KCNJ3: variants seen among roughly 807,000 people sequenced by gnomAD.
KCNJ3 encodes the protein potassium inwardly rectifying channel subfamily J member 3.
A neutral mutation model predicts 39.2 loss-of-function variants in KCNJ3; 4 were observed. The observed-to-expected ratio is 0.10, with a 90% CI of 0.05 to 0.23. The LOEUF is 0.23. KCNJ3 is among the 10% of genes least tolerant of loss of function. The pLI, the probability that KCNJ3 is intolerant of heterozygous loss-of-function variation, is 1.00. For missense variants in KCNJ3, 276 were observed against 634.9 expected (o/e 0.43, Z 6.08); for synonymous variants, 230 against 237.4 (o/e 0.97, Z 0.29).
At chr2:154,742,055 G>C (rs1027315552) in intron 2 of KCNJ3, among the ~76,000 whole-genome samples, 1 of 151,694 alleles carries the variant, frequency 6.6e-6, no homozygotes, top group African/African-American at 2.4e-5. Flanking sequence ...GACATGCTCA[G>C]TCCCTGGAAA....
intron 2 of KCNJ3, among the ~76,000 whole-genome samples, chr2:154,778,155 G>A (rs540393279): frequency 1.3e-5 from 2 of 152,122 alleles, no homozygotes; most frequent in African/African-American, 4.8e-5. Flanking sequence ...TACACAATTT[G>A]ATCATTTAAA....
At chr2:154,710,529 T>C (rs1242551310) in intron 2 of KCNJ3, among the ~76,000 whole-genome samples, 1 of 152,162 alleles carries the variant, frequency 6.6e-6, no homozygotes, top group African/African-American at 2.4e-5. Context: ...GTTATGAGCA[T>C]ATTATTTGGG....
In KCNJ3 at chr2:154,699,372, C is replaced by G. The variant is rs776734520; in HGVS notation, c.597C>G (p.His199Gln). Residue 199 changes from histidine (H) to glutamine (Q), a missense_variant, in exon 1 of 3, where the codon CAC (histidine) becomes CAG (glutamine). Transcript: ENST00000295101. This position sits in a 1 kb window ranked among gnomAD's most constrained non-coding sequence, Gnocchi z 6.4. Reference sequence around the variant, plus strand: ...CCGAGACCCTCATGTTCAGCGAGCACGCGGTGATCTCCATGAGGGACGGAA... The same window carrying G: ...CCGAGACCCTCATGTTCAGCGAGCAGGCGGTGATCTCCATGAGGGACGGAA... ...KRAETLMFSE[H>Q]AVISMRDGKL... 3 of 1,611,724 alleles carry G rather than the reference C, an allele frequency of 1.9e-6. No homozygotes were observed. The highest frequency in any genetic ancestry group is 1.7e-5 in the Admixed American group (1 of 60,000).
chr2:154,799,609 T>C lies in KCNJ3; in HGVS notation c.920-55118T>C, dbSNP rs373547458. On this transcript the variant is annotated intron_variant, in intron 2 of 2. Transcript: ENST00000295101. ...TTGGACAGCCCAAAGCCTCAATCTA[T>C]AGCCACTATCTCCAGACTTAGCATA... Among the ~76,000 whole-genome samples the C allele has an allele frequency of 9.2e-4, 140 of 152,246 alleles. 5 individuals are homozygous for C. The South Asian group carries it at 0.029, about 31-fold the overall frequency.
intron 2 of KCNJ3, among the ~76,000 whole-genome samples, chr2:154,744,051 T>C (rs981035610): frequency 8.6e-5 from 13 of 151,704 alleles, no homozygotes; most frequent in Non-Finnish European, 8.9e-5. Flanking sequence ...GAATGGATAT[T>C]GAATTCTGTT....
At chr2:154,817,027 T>A (rs1411135132) in intron 2 of KCNJ3, among the ~76,000 whole-genome samples, 1 of 152,184 alleles carries the variant, frequency 6.6e-6, no homozygotes, top group African/African-American at 2.4e-5. Context: ...TTATATCATA[T>A]CTATGGCAGT....
intron 2 of KCNJ3, among the ~76,000 whole-genome samples, chr2:154,835,556 C>A (rs1404069901): frequency 2.0e-5 from 3 of 149,594 alleles, no homozygotes; most frequent in African/African-American, 7.4e-5. Context: ...ATAATTTATA[C>A]CTGTGGATAA....
At chr2:154,758,039 AT>A (rs138729806) in intron 2 of KCNJ3, among the ~76,000 whole-genome samples, 15,342 of 152,192 alleles carry the variant, frequency 0.1, 801 homozygotes, top group East Asian at 0.19. Flanking sequence ...AGTACTCAGC[AT>A]TTCAAATTTA....
chr2:154,722,937 A>G (rs960921481), intron 2 of KCNJ3, among the ~76,000 whole-genome samples: 1 of 152,046 alleles, frequency 6.6e-6, no homozygotes, highest in African/African-American at 2.4e-5. Flanking sequence ...TTGAAGATGG[A>G]GGGGAAGATA....
At chr2:154,788,593 A>G (rs1686575064) in intron 2 of KCNJ3, among the ~76,000 whole-genome samples, 1 of 152,118 alleles carries the variant, frequency 6.6e-6, no homozygotes, top group South Asian at 2.1e-4. Context: ...TTTTTAAAAT[A>G]AATATTGATG....
At chr2:154,844,762 G>GGAGA (rs1364244860) in intron 2 of KCNJ3, among the ~76,000 whole-genome samples, 9 of 152,218 alleles carry the variant, frequency 5.9e-5, no homozygotes, top group African/African-American at 1.9e-4. Context: ...GGCAGGCATG[G>GGAGA]GAGAGAATTA....
In KCNJ3 at chr2:154,791,300, A is replaced by G. The variant is rs1448639916; in HGVS notation, c.920-63427A>G. On this transcript the variant is annotated intron_variant, in intron 2 of 2. Transcript: ENST00000295101. Reference sequence around the variant, plus strand: ...AGGAAAGAGGAAGATGGGGCGCCAAAGCTGATGTTGGAGGTGTTAAAACTA... The same window carrying G: ...AGGAAAGAGGAAGATGGGGCGCCAAGGCTGATGTTGGAGGTGTTAAAACTA... 3.3e-5 allele frequency among the ~76,000 whole-genome samples: 5 copies of G among 152,184 alleles called. No homozygotes were observed. In the South Asian group the frequency reaches 8.3e-4, roughly 25 times the overall value.
At chr2:154,714,315 A>G (rs1205481002) in intron 2 of KCNJ3, among the ~76,000 whole-genome samples, 1 of 151,950 alleles carries the variant, frequency 6.6e-6, no homozygotes, top group African/African-American at 2.4e-5. Flanking sequence ...TCTGAAATTC[A>G]GACACATTAC....
rs535829997 is a variant in KCNJ3 at position 154,701,408 on chromosome 2, T to C, written c.702+1931T>C. On this transcript the variant is annotated intron_variant, in intron 1 of 2. Transcript: ENST00000295101. ...TTTTCCAGACAACATATTTTTGATG[T>C]TTATAGATTTTATTACATTTTATTT... 7.1e-4 allele frequency among the ~76,000 whole-genome samples: 108 copies of C among 152,220 alleles called. 2 individuals are homozygous for C. The South Asian group carries it at 0.021, about 30-fold the overall frequency.
intron 2 of KCNJ3, among the ~76,000 whole-genome samples, chr2:154,783,234 AAAC>A (rs1423544365): frequency 1.3e-5 from 2 of 152,308 alleles, no homozygotes; most frequent in African/African-American, 4.8e-5. Flanking sequence ...GGAGACACTG[AAAC>A]AACAAGTAGG....
At chr2:154,733,599 T>C (rs1360327868) in intron 2 of KCNJ3, among the ~76,000 whole-genome samples, 1 of 152,180 alleles carries the variant, frequency 6.6e-6, no homozygotes, top group East Asian at 1.9e-4. Flanking sequence ...AATTCCTTCT[T>C]GTCTTGAATT....
intron 2 of KCNJ3, among the ~76,000 whole-genome samples, chr2:154,771,488 G>A (rs547459929): frequency 6.6e-6 from 1 of 152,276 alleles, no homozygotes; most frequent in South Asian, 2.1e-4. Context: ...CTTGATTTCA[G>A]TGAGCAGGAA....
At chr2:154,835,348 TG>T (rs200371528) in intron 2 of KCNJ3, among the ~76,000 whole-genome samples, 2 of 104,680 alleles carry the variant, frequency 1.9e-5, no homozygotes, top group East Asian at 6.9e-4. Context: ...TTCTTTTTTT[TG>T]TTTACTATTC....
Position 154,776,297 on chromosome 2 carries a change from C to T in KCNJ3, c.919+66478C>T, listed in dbSNP as rs550311255. Among the ~76,000 whole-genome samples, 20 of 152,196 alleles carry T rather than the reference C, an allele frequency of 1.3e-4. No individual in the cohort carries two copies. The Middle Eastern group carries it at 0.01, about 78-fold the overall frequency. ...GAGTACAGGCGTGAGCCACCGCTCC[C>T]GGCCAGGGATTCTTAGTACTTGTGC... On this transcript the variant is annotated intron_variant, in intron 2 of 2. Coordinates refer to ENST00000295101, the MANE Select transcript of KCNJ3 (RefSeq NM_002239.4).
Sources: gnomAD v4.1 joint callset for allele counts (sites outside exome capture counted in the v4.1 genomes callset) on GRCh38, gnomAD v4.1.1 for gene constraint, Gnocchi (gnomAD v3.1) non-coding constraint, MANE v1.5 for transcripts, NCBI Gene and HGNC (gene_info 2026-07-23, HGNC 2026-07-21) for gene names.